The following KIF16B variants were observed in gnomAD, a reference collection of about 807,000 sequenced individuals.
KIF16B encodes kinesin family member 16B.
In KIF16B, 98 loss-of-function variants were observed where a neutral mutation model predicts 156.3. The observed-to-expected ratio is 0.63, with a 90% CI of 0.53 to 0.74. The LOEUF (loss-of-function observed/expected upper bound fraction) is 0.74, where lower values mean the gene tolerates loss of function less well. Among genes scored for constraint, KIF16B ranks in the 30% least tolerant of loss-of-function variants. KIF16B has a pLI of 0.00. For missense variants in KIF16B, 1,421 were observed against 1,606.5 expected (o/e 0.88, Z 1.97); for synonymous variants, 564 against 583.7 (o/e 0.97, Z 0.49).
chr20:16,383,445 TTAGA>T (rs1489576187), intron 17 of KIF16B, among the ~76,000 whole-genome samples: 2 of 152,216 alleles, frequency 1.3e-5, no homozygotes, highest in Admixed American at 1.3e-4. Flanking sequence ...TTGAAACCTG[TTAGA>T]TAGCAATATA....
intron 12 of KIF16B, among the ~76,000 whole-genome samples, chr20:16,470,207 C>T (rs147867632): frequency 1.2e-3 from 179 of 152,182 alleles, no homozygotes; most frequent in Middle Eastern, 6.8e-3. Flanking sequence ...ACAGTCAGAG[C>T]GCAAGGTGTT....
At chr20:16,368,447 G>A in intron 22 of KIF16B, 1 of 986,382 alleles carries the variant, frequency 1.0e-6, no homozygotes. Context: ...AGAAATGGCA[G>A]GCTTCTGACG....
chr20:16,508,936 T>C (rs1335127470), intron 6 of KIF16B, among the ~76,000 whole-genome samples: 1 of 152,160 alleles, frequency 6.6e-6, no homozygotes, highest in African/African-American at 2.4e-5. Flanking sequence ...ACAGTTACAC[T>C]GTGTAAAAGG....
chr20:16,468,686 T>C (rs1336764026), intron 12 of KIF16B, among the ~76,000 whole-genome samples: 3 of 149,052 alleles, frequency 2.0e-5, no homozygotes, highest in African/African-American at 7.5e-5. Context: ...TAAATATACG[T>C]GAGGTAAAAA....
At chr20:16,395,473 G>T (rs2065478504) in intron 17 of KIF16B, among the ~76,000 whole-genome samples, 1 of 152,096 alleles carries the variant, frequency 6.6e-6, no homozygotes, top group Non-Finnish European at 1.5e-5. Context: ...TTGTCATCTG[G>T]GGAGAAGCCC....
chr20:16,378,099 T>A (rs1201094058), intron 19 of KIF16B, among the ~76,000 whole-genome samples: 1 of 151,010 alleles, frequency 6.6e-6, no homozygotes, highest in South Asian at 2.1e-4. Context: ...GAAGTATTGA[T>A]TTTTTCATTC....
intron 12 of KIF16B, among the ~76,000 whole-genome samples, chr20:16,465,263 G>A (rs1297938317): frequency 2.6e-5 from 4 of 152,206 alleles, no homozygotes; most frequent in Non-Finnish European, 5.9e-5. Context: ...TCCACAGTGA[G>A]TACAGGGGGC....
At position 16,440,899 on chromosome 20, in the gene KIF16B, C is replaced by T. The variant is rs187667237; in HGVS notation, c.1303-10917G>A. Among the ~76,000 whole-genome samples the T allele has an allele frequency of 1.6e-3, 238 of 151,652 alleles. 1 individual carries two copies. Among genetic ancestry groups the T allele is most frequent in the African/African-American group, 5.1e-3 (211 of 41,306 alleles). Reference sequence around the variant, plus strand: ...ATCTTTTGGATGAAACAGTCCTCTCCGCTGGCTGAGCAAATCATCGAGATG... The same window carrying T: ...ATCTTTTGGATGAAACAGTCCTCTCTGCTGGCTGAGCAAATCATCGAGATG... On this transcript the variant is annotated intron_variant, in intron 12 of 25. Transcript: ENST00000354981.
Position 16,562,664 on chromosome 20 carries a change from G to T in KIF16B, c.47+10565C>A, listed in dbSNP as rs571476566. Reference sequence around the variant, plus strand: ...GCCCCGGGGAAACAGCCATGAACAAGATCTACACGGTGACTGGCTCTCAGA... The same window carrying T: ...GCCCCGGGGAAACAGCCATGAACAATATCTACACGGTGACTGGCTCTCAGA... On this transcript the variant is annotated intron_variant, in intron 1 of 25. Coordinates refer to ENST00000354981, the MANE Select transcript of KIF16B (RefSeq NM_024704.5). 1.4e-4 allele frequency among the ~76,000 whole-genome samples: 22 copies of T among 152,340 alleles called. 1 individual carries two copies. The highest frequency in any genetic ancestry group is 5.3e-4 in the African/African-American group (22 of 41,576).
intron 22 of KIF16B, chr20:16,367,950 AGC>A: frequency 6.9e-7 from 1 of 1,444,286 alleles, no homozygotes; most frequent in Non-Finnish European, 9.0e-7. Context: ...AGAGAGGTAG[AGC>A]ATGAAAAATG....
chr20:16,378,146 C>T (rs1382697653), intron 19 of KIF16B, among the ~76,000 whole-genome samples: 1 of 152,012 alleles, frequency 6.6e-6, no homozygotes, highest in Non-Finnish European at 1.5e-5. Context: ...TGTATGCAAA[C>T]CATGAACCCA....
In KIF16B at chr20:16,292,103, A is replaced by T. The variant is rs377564793; in HGVS notation, c.3796-18692T>A. On this transcript the variant is annotated intron_variant, in intron 25 of 25. Coordinates refer to ENST00000354981, the MANE Select transcript of KIF16B (RefSeq NM_024704.5). ...ACTTATAAATAATATGAAGCAGGTG[A>T]TCTCAATTAGAAAGCAGATTAGGCA... Among the ~76,000 whole-genome samples the T allele has an allele frequency of 3.0e-4, 45 of 152,244 alleles. 1 individual carries two copies. The East Asian group carries it at 8.1e-3, about 27-fold the overall frequency.
Position 16,273,235 on chromosome 20 carries a change from C to T in KIF16B, c.*18G>A, listed in dbSNP as rs1265373941. 1 of 1,610,724 alleles carries T rather than the reference C, an allele frequency of 6.2e-7. No homozygotes were observed. The highest frequency in any genetic ancestry group is 1.1e-5 in the South Asian group (1 of 90,930). ...ACGAGAAGGCACTGCTGTGGTGGTTCCTCCATCACCCCTGGCTCTACCCCG... is the reference window on the plus strand; with the variant it reads ...ACGAGAAGGCACTGCTGTGGTGGTTTCTCCATCACCCCTGGCTCTACCCCG... On this transcript the variant is annotated 3_prime_UTR_variant, in exon 26 of 26. Coordinates refer to ENST00000354981, the MANE Select transcript of KIF16B (RefSeq NM_024704.5).
At chr20:16,306,526 T>C in intron 25 of KIF16B, among the ~76,000 whole-genome samples, 1 of 152,200 alleles carries the variant, frequency 6.6e-6, no homozygotes, top group Non-Finnish European at 1.5e-5. Flanking sequence ...CAGACTGGTA[T>C]TACAGCAAGA....
chr20:16,386,348 A>G (rs1014242936), intron 17 of KIF16B, among the ~76,000 whole-genome samples: 3 of 152,040 alleles, frequency 2.0e-5, no homozygotes, highest in African/African-American at 7.2e-5. Flanking sequence ...AGTAGCATGG[A>G]ATAACCCAGG....
chr20:16,367,451 T>C (rs769837378), intron 22 of KIF16B: 3 of 1,612,780 alleles, frequency 1.9e-6, no homozygotes, highest in Non-Finnish European at 2.5e-6. Flanking sequence ...GGAGGAGGTA[T>C]GTTTCGAGAT....
chr20:16,298,816 A>G (rs1224006896), intron 25 of KIF16B, among the ~76,000 whole-genome samples: 1 of 152,178 alleles, frequency 6.6e-6, no homozygotes, highest in African/African-American at 2.4e-5. Flanking sequence ...CACGGTGAAC[A>G]ATGCCACGGA....
chr20:16,499,306 T>C (rs1041350923), intron 10 of KIF16B, among the ~76,000 whole-genome samples: 4 of 152,228 alleles, frequency 2.6e-5, no homozygotes, highest in African/African-American at 9.6e-5. Flanking sequence ...CTGATATTAA[T>C]AGTACATATG....
At chr20:16,512,330 C>G (rs527381369) in intron 5 of KIF16B, among the ~76,000 whole-genome samples, 2 of 152,238 alleles carry the variant, frequency 1.3e-5, no homozygotes, top group African/African-American at 4.8e-5. Context: ...ACAAAGCAGT[C>G]AAGTAGGTGT....
Sources: allele counts gnomAD v4.1 joint callset (sites outside exome capture counted in the v4.1 genomes callset), GRCh38; gene constraint gnomAD v4.1.1; transcripts MANE v1.5; gene names NCBI Gene and HGNC (gene_info 2026-07-23, HGNC 2026-07-21).